STK32C: variants seen among roughly 807,000 people sequenced by gnomAD.
The protein encoded by STK32C is serine/threonine kinase 32C.
In STK32C, 31 loss-of-function variants were observed where a neutral mutation model predicts 56.5. That is an observed-to-expected ratio of 0.55 (90% confidence interval 0.41 to 0.74). The LOEUF is 0.74. Ranked by LOEUF, STK32C falls within the 30% of genes least tolerant of loss-of-function variation. The pLI is 0.00. For missense variants in STK32C, 544 were observed against 676.9 expected (o/e 0.80, Z 2.18); for synonymous variants, 309 against 289.4 (o/e 1.07, Z -0.69).
At chr10:132,266,754 A>G (rs1213069181) in intron 1 of STK32C, among the ~76,000 whole-genome samples, 1 of 149,654 alleles carries the variant, frequency 6.7e-6, no homozygotes, top group African/African-American at 2.5e-5. Flanking sequence ...GGGTGGAAGG[A>G]GTGGATCACA....
At chr10:132,216,686 A>G (rs1385797385) in intron 10 of STK32C, among the ~76,000 whole-genome samples, 1 of 152,174 alleles carries the variant, frequency 6.6e-6, no homozygotes, top group African/African-American at 2.4e-5. Flanking sequence ...TGCTGTGTGC[A>G]GTCTAGGGAC....
intron 10 of STK32C, among the ~76,000 whole-genome samples, chr10:132,213,925 A>C (rs1176599987): frequency 6.6e-6 from 1 of 152,122 alleles, no homozygotes; most frequent in African/African-American, 2.4e-5. Flanking sequence ...GGAAGGATCT[A>C]TGAGCTTGAA....
At chr10:132,273,462 CAGTGAGTGAATGGTG>C (rs370730291) in intron 1 of STK32C, among the ~76,000 whole-genome samples, 40 of 152,134 alleles carry the variant, frequency 2.6e-4, no homozygotes, top group Non-Finnish European at 5.6e-4. Flanking sequence ...AATGAAAACA[CAGTGAGTGAATGGTG>C]AGTGAGTGAA....
rs369036848 is a variant in STK32C at position 132,250,154 on chromosome 10, G to A, written c.263-4199C>T. On this transcript the variant is annotated intron_variant, in intron 1 of 11. Coordinates refer to ENST00000298630, the MANE Select transcript of STK32C (RefSeq NM_173575.4). Reference sequence around the variant, plus strand: ...CCTGCACGCTGGCTCCGCACCGGGGGAGGGAAGGGGCTGAGGCCGCAGAGC... The same window carrying A: ...CCTGCACGCTGGCTCCGCACCGGGGAAGGGAAGGGGCTGAGGCCGCAGAGC... Among the ~76,000 whole-genome samples, 208 of 152,374 alleles carry A rather than the reference G, an allele frequency of 1.4e-3. 2 individuals carry two copies. In the South Asian group the frequency reaches 0.04, roughly 30 times the overall value.
chr10:132,322,130 T>C (rs2066422213), downstream of STK32C, among the ~76,000 whole-genome samples: 1 of 152,194 alleles, frequency 6.6e-6, no homozygotes, highest in Non-Finnish European at 1.5e-5. Flanking sequence ...TGAAATACAA[T>C]CTTGGATCAA....
At chr10:132,297,630 C>T (rs906154939) in intron 1 of STK32C, among the ~76,000 whole-genome samples, 1 of 152,222 alleles carries the variant, frequency 6.6e-6, no homozygotes, top group African/African-American at 2.4e-5. Flanking sequence ...TCACTTCAGA[C>T]ACACAAGATG....
chr10:132,302,746 C>T (rs747925382), intron 1 of STK32C, among the ~76,000 whole-genome samples: 9 of 152,264 alleles, frequency 5.9e-5, no homozygotes, highest in East Asian at 5.8e-4. Context: ...GCTAAGCTGA[C>T]GCTCTGGAAG....
At chr10:132,259,060 G>GGGCAT (rs2064221401) in intron 1 of STK32C, among the ~76,000 whole-genome samples, 1 of 126,126 alleles carries the variant, frequency 7.9e-6, no homozygotes, top group South Asian at 2.9e-4. Flanking sequence ...GCACAGCTGG[G>GGGCAT]GGCATGGACA....
At chr10:132,287,236 T>C (rs2065432085) in intron 1 of STK32C, among the ~76,000 whole-genome samples, 1 of 152,098 alleles carries the variant, frequency 6.6e-6, no homozygotes, top group African/African-American at 2.4e-5. Context: ...CTCACACCTG[T>C]AATCCCAGCA....
chr10:132,209,338 G>A (rs2062214974), intron 10 of STK32C: 2 of 708,508 alleles, frequency 2.8e-6, no homozygotes, highest in Admixed American at 1.9e-5. Flanking sequence ...GCCTCTGGGT[G>A]GATGGCTTGG....
intron 1 of STK32C, among the ~76,000 whole-genome samples, chr10:132,316,699 T>A (rs2066316807): frequency 6.6e-6 from 1 of 152,052 alleles, no homozygotes; most frequent in Non-Finnish European, 1.5e-5. Context: ...GATTACAGAA[T>A]AAGGAGAAAG....
chr10:132,270,610 G>A (rs2064784729), intron 1 of STK32C, among the ~76,000 whole-genome samples: 1 of 152,236 alleles, frequency 6.6e-6, no homozygotes, highest in South Asian at 2.1e-4. Flanking sequence ...TCCCACGCCT[G>A]CTCCCCGGCC....
rs1157596218 is a variant in STK32C, at chr10:132,236,450, C to T, written c.319-8322G>A. On this transcript the variant is annotated intron_variant, in intron 2 of 11. Transcript: ENST00000298630. The stretch of plus-strand genomic sequence containing the variant: ...AGGTGGCAGCCCCACCGTGCACGGG[C>T]CCCACACACACTGGGCAGCTGTGTC... 2.0e-5 allele frequency among the ~76,000 whole-genome samples: 3 copies of T among 152,332 alleles called. No homozygotes were observed. In the East Asian group the frequency reaches 5.8e-4, roughly 29 times the overall value.
At chr10:132,271,297 A>C (rs2064813287) in intron 1 of STK32C, among the ~76,000 whole-genome samples, 1 of 151,950 alleles carries the variant, frequency 6.6e-6, no homozygotes, top group Non-Finnish European at 1.5e-5. Context: ...AGGCAGCCCT[A>C]CAGCAACGGT....
At chr10:132,237,179 TGTGCTCCCTG>T (rs2063324001) in intron 2 of STK32C, among the ~76,000 whole-genome samples, 1 of 51,582 alleles carries the variant, frequency 1.9e-5, no homozygotes, top group Non-Finnish European at 5.8e-5. Context: ...ACTCCCTGAC[TGTGCTCCCTG>T]GACTGTGCTC....
intron 1 of STK32C, chr10:132,249,171 C>CG: frequency 8.0e-6 from 2 of 250,046 alleles, no homozygotes; most frequent in South Asian, 3.0e-5. Context: ...GGGGGCGGGG[C>CG]TATGGGGGTC....
In STK32C at chr10:132,211,653, G is replaced by A. The variant is rs547672727; in HGVS notation, c.1252-2552C>T. On this transcript the variant is annotated intron_variant, in intron 10 of 11. Transcript: ENST00000298630. ...GATCTGCCCTGCTCTTCCTCTGACA[G>A]CCCCTGCCTCCTCCTTGGGTGGCTG... Among the ~76,000 whole-genome samples, 161 of 152,318 alleles carry A rather than the reference G, an allele frequency of 1.1e-3. 1 individual carries two copies. Among genetic ancestry groups the A allele is most frequent in the African/African-American group, 3.8e-3 (157 of 41,578 alleles).
intron 1 of STK32C, among the ~76,000 whole-genome samples, chr10:132,280,370 T>TCCGTGATCACGACACTCCACC (rs1367324456): frequency 2.4e-4 from 33 of 139,544 alleles, no homozygotes; most frequent in South Asian, 4.9e-4. Context: ...GCCCCTGCAC[T>TCCGTGATCACGACACTCCACC]CCGTGATCAC....
intron 1 of STK32C, among the ~76,000 whole-genome samples, chr10:132,292,065 T>A (rs1222735134): frequency 1.3e-5 from 2 of 152,126 alleles, no homozygotes; most frequent in African/African-American, 2.4e-5. Context: ...CTACAGGGAC[T>A]GAGCACCTCC....
Sources: gnomAD v4.1 joint callset for allele counts (sites outside exome capture counted in the v4.1 genomes callset) on GRCh38, gnomAD v4.1.1 for gene constraint, MANE v1.5 for transcripts, NCBI Gene and HGNC (gene_info 2026-07-23, HGNC 2026-07-21) for gene names.